The following CHRM3 variants were observed in gnomAD, a reference collection of about 807,000 sequenced individuals.
CHRM3 encodes the protein cholinergic receptor muscarinic 3.
A neutral mutation model predicts 41.8 loss-of-function variants in CHRM3; 11 were observed. The ratio of observed to expected loss-of-function variants is 0.26; its 90% confidence interval spans 0.17 to 0.44. CHRM3 has a LOEUF of 0.44. Among genes scored for constraint, CHRM3 ranks in the 20% least tolerant of loss-of-function variants. CHRM3 has a pLI of 1.00. For missense variants in CHRM3, 571 were observed against 745.4 expected, an observed-to-expected ratio of 0.77 and a Z score of 2.72; for synonymous variants, 297 against 301.4, an observed-to-expected ratio of 0.99 and a Z score of 0.15.
intron 2 of CHRM3, among the ~76,000 whole-genome samples, chr1:239,514,906 GA>G (rs1669156929): frequency 6.6e-6 from 1 of 152,080 alleles, no homozygotes; most frequent in Non-Finnish European, 1.5e-5. Flanking sequence ...GTAAAATTTT[GA>G]AATTTGAAGG....
chr1:239,897,795 T>A (rs1679134491), intron 6 of CHRM3, among the ~76,000 whole-genome samples: 6 of 152,224 alleles, frequency 3.9e-5, no homozygotes, highest in Admixed American at 3.9e-4. Context: ...TTGCGAGTGC[T>A]AATGCAAGGA....
chr1:239,648,803 A>G (rs6691263), intron 4 of CHRM3, among the ~76,000 whole-genome samples: 40,746 of 152,054 alleles, frequency 0.27, 5,619 homozygotes, highest in Admixed American at 0.3. Flanking sequence ...TATGTATAAA[A>G]TCTTCTGGAA....
At chr1:239,596,999 CTT>C (rs1458887962) in intron 3 of CHRM3, among the ~76,000 whole-genome samples, 5 of 152,056 alleles carry the variant, frequency 3.3e-5, no homozygotes, top group Non-Finnish European at 7.4e-5. Flanking sequence ...GAAAATAACT[CTT>C]TTTGTGATTT....
intron 5 of CHRM3, among the ~76,000 whole-genome samples, chr1:239,768,109 G>T (rs114958415): frequency 9.7e-4 from 147 of 152,252 alleles, no homozygotes; most frequent in African/African-American, 3.3e-3. Context: ...AGCAAAACAG[G>T]CTTGAAATGA....
chr1:239,579,873 G>A (rs889407633), intron 3 of CHRM3, among the ~76,000 whole-genome samples: 10 of 152,122 alleles, frequency 6.6e-5, no homozygotes, highest in African/African-American at 2.4e-4. Context: ...CATGAGGTAA[G>A]TATAATTGTC....
chr1:239,456,677 C>T (rs1311972181), intron 1 of CHRM3, among the ~76,000 whole-genome samples: 1 of 152,124 alleles, frequency 6.6e-6, no homozygotes, highest in Non-Finnish European at 1.5e-5. Flanking sequence ...ATTGGGGTAC[C>T]CTGCCATCCT....
intron 5 of CHRM3, among the ~76,000 whole-genome samples, chr1:239,774,884 G>T (rs2148755171): frequency 6.6e-6 from 1 of 152,262 alleles, no homozygotes; most frequent in South Asian, 2.1e-4. Flanking sequence ...AAAATTTGAG[G>T]GAAGGGGAAA....
intron 6 of CHRM3, among the ~76,000 whole-genome samples, chr1:239,889,802 T>G (rs766997010): frequency 2.0e-5 from 3 of 152,146 alleles, no homozygotes; most frequent in Non-Finnish European, 4.4e-5. Flanking sequence ...CCAGAGAGCA[T>G]CAGGCATAAT....
chr1:239,879,348 C>T (rs893394384), intron 6 of CHRM3, among the ~76,000 whole-genome samples: 5 of 152,146 alleles, frequency 3.3e-5, no homozygotes, highest in African/African-American at 4.8e-5. Context: ...GCCCACCCTG[C>T]GAAGCACCAC....
intron 6 of CHRM3, among the ~76,000 whole-genome samples, chr1:239,869,959 G>A (rs901895833): frequency 6.6e-6 from 1 of 152,034 alleles, no homozygotes; most frequent in Admixed American, 6.6e-5. Flanking sequence ...TGTGGTTTGG[G>A]GTACACTGTC....
At chr1:239,449,747 T>C (rs1664426538) in intron 1 of CHRM3, among the ~76,000 whole-genome samples, 2 of 150,376 alleles carry the variant, frequency 1.3e-5, no homozygotes, top group East Asian at 1.9e-4. Context: ...TGTGTGTGTG[T>C]GTGTGTGCGT....
At chr1:239,789,998 G>A (rs112325853) in intron 5 of CHRM3, among the ~76,000 whole-genome samples, 2,104 of 152,204 alleles carry the variant, frequency 0.014, 46 homozygotes, top group African/African-American at 0.048. Flanking sequence ...ACTTGCATGG[G>A]GCCTGTAGCC....
chr1:239,490,349 T>C lies in CHRM3; in HGVS notation c.-520-2360T>C, dbSNP rs371025692. 2.0e-5 allele frequency among the ~76,000 whole-genome samples: 3 copies of C among 152,268 alleles called. No individual in the cohort carries two copies. In the East Asian group the frequency reaches 5.8e-4, roughly 29 times the overall value. On this transcript the variant is annotated intron_variant, in intron 1 of 6. Coordinates refer to ENST00000676153, the MANE Select transcript of CHRM3 (RefSeq NM_001375978.1). ...ATGTTACAATGTTTCTAAATTTATT[T>C]ATGAAATAAGTGAAAGGAGCAAACA...
chr1:239,732,871 TTTAGATAAGTATATCTAATATCAC>T (rs1664074018), intron 5 of CHRM3, among the ~76,000 whole-genome samples: 1 of 144,244 alleles, frequency 6.9e-6, no homozygotes, highest in Non-Finnish European at 1.6e-5. Context: ...TAATATCTCA[TTTAGATAAGTATATCTAATATCAC>T]TTAGATAAGT....
intron 6 of CHRM3, among the ~76,000 whole-genome samples, chr1:239,906,944 C>A (rs1572655592): frequency 6.6e-6 from 1 of 152,138 alleles, no homozygotes; most frequent in South Asian, 2.1e-4. Flanking sequence ...TGGCATTGCT[C>A]ATTTTAGTAA....
At chr1:239,389,982 G>A (rs1013391300) in intron 1 of CHRM3, among the ~76,000 whole-genome samples, 65 of 152,168 alleles carry the variant, frequency 4.3e-4, no homozygotes, top group Admixed American at 4.6e-4. Flanking sequence ...ATGCAGAGAA[G>A]TGTATCTGTC....
intron 6 of CHRM3, among the ~76,000 whole-genome samples, chr1:239,879,618 C>T (rs1354198013): frequency 6.6e-6 from 1 of 152,216 alleles, no homozygotes; most frequent in African/African-American, 2.4e-5. Flanking sequence ...GCACTGTTTT[C>T]CCCACAGGCG....
At chr1:239,795,280 C>A (rs1019205931) in intron 5 of CHRM3, among the ~76,000 whole-genome samples, 8 of 152,040 alleles carry the variant, frequency 5.3e-5, no homozygotes, top group Admixed American at 5.2e-4. Context: ...TTTTACTAAC[C>A]AAGGTGGATT....
chr1:239,610,015 A>AC (rs1666814553), intron 3 of CHRM3, among the ~76,000 whole-genome samples: 1 of 151,932 alleles, frequency 6.6e-6, no homozygotes, highest in Admixed American at 6.6e-5. Flanking sequence ...ACATGGTGAA[A>AC]CCCCGTCTCT....
Sources: allele counts gnomAD v4.1 joint callset (sites outside exome capture counted in the v4.1 genomes callset), GRCh38; gene constraint gnomAD v4.1.1; transcripts MANE v1.5; gene names NCBI Gene and HGNC (gene_info 2026-07-23, HGNC 2026-07-21).